S100Z: variants seen among roughly 807,000 people sequenced by gnomAD.
S100Z encodes S100 calcium binding protein Z.
In S100Z, 11 loss-of-function variants were observed where a neutral mutation model predicts 8.5. The ratio of observed to expected loss-of-function variants is 1.30; its 90% CI spans 0.82 to 2.15. S100Z has a LOEUF of 2.15. S100Z is among the 30% of genes most tolerant of loss of function. The probability of loss-of-function intolerance (pLI) is 0.00; values close to 1 mark genes in which losing one functional copy is unlikely to be tolerated. For synonymous variants in S100Z, 34 were observed against 43.8 expected (o/e 0.78, Z 0.89); for missense variants, 126 against 117.9 (o/e 1.07, Z -0.32).
chr5:76,877,667 A>G lies in S100Z; in HGVS notation c.142-7A>G, dbSNP rs1561231804. The G allele has an allele frequency of 6.3e-7, 1 of 1,583,638 alleles. No homozygotes were observed. The highest frequency in any genetic ancestry group is 2.2e-5 in the East Asian group (1 of 44,486). On this transcript the variant is annotated splice_polypyrimidine_tract_variant and splice_region_variant and intron_variant, in intron 3 of 4. Transcript: ENST00000317593. ...CAGGGAGTTAGAAATTTCCTTTCTC[A>G]TTTTAGTGCCAAAAGGAAACCCAGT...
chr5:76,906,185 G>T (rs1037653586), intron 4 of S100Z, among the ~76,000 whole-genome samples: 1 of 152,170 alleles, frequency 6.6e-6, no homozygotes, highest in Admixed American at 6.5e-5. Context: ...TGACAAAATT[G>T]TACATATATA....
chr5:76,933,731 T>C, the S100Z span, among the ~76,000 whole-genome samples: 1 of 152,218 alleles, frequency 6.6e-6, no homozygotes, highest in Non-Finnish European at 1.5e-5. Flanking sequence ...CATTTGATTG[T>C]GGTGAGATAT....
chr5:76,877,978 T>A (rs1292522574), intron 4 of S100Z, 144 bp downstream of exon 4: 13 of 482,420 alleles, frequency 2.7e-5, no homozygotes, highest in Non-Finnish European at 4.7e-5. Flanking sequence ...ATTGCTACTA[T>A]TGAATTATGT....
At chr5:76,850,727 CAGA>C (rs1035157511) in intron 1 of S100Z, among the ~76,000 whole-genome samples, 2 of 152,132 alleles carry the variant, frequency 1.3e-5, no homozygotes, top group African/African-American at 2.4e-5. Flanking sequence ...TCTCAGCCTA[CAGA>C]AGAAGAGAGG....
chr5:76,850,353 A>AGAGAGAGAGG, intron 1 of S100Z, among the ~76,000 whole-genome samples, 198 bp downstream of exon 1: 1 of 132,156 alleles, frequency 7.6e-6, no homozygotes, highest in African/African-American at 3.0e-5. Context: ...AGAGAGAGAG[A>AGAGAGAGAGG]GAGAGGGAGA....
At chr5:76,891,160 G>T (rs1305936002) in intron 4 of S100Z, among the ~76,000 whole-genome samples, 1 of 152,198 alleles carries the variant, frequency 6.6e-6, no homozygotes, top group African/African-American at 2.4e-5. Context: ...ACCATGCCCG[G>T]CCCCCAGTTT....
At chr5:76,888,182 A>G (rs889665245) in intron 4 of S100Z, among the ~76,000 whole-genome samples, 3 of 151,072 alleles carry the variant, frequency 2.0e-5, no homozygotes, top group Admixed American at 6.6e-5. Context: ...GCTGGAACCC[A>G]GGAGGCAGAG....
chr5:76,896,968 G>T (rs1195769184), intron 4 of S100Z, among the ~76,000 whole-genome samples: 1 of 152,060 alleles, frequency 6.6e-6, no homozygotes, highest in Non-Finnish European at 1.5e-5. Context: ...TGCACTGTAG[G>T]TGTGGGGATT....
At chr5:76,879,673 A>G (rs1467535468) in intron 4 of S100Z, among the ~76,000 whole-genome samples, 1 of 152,190 alleles carries the variant, frequency 6.6e-6, no homozygotes, top group Non-Finnish European at 1.5e-5. Flanking sequence ...CCGGATGAGA[A>G]TGTGGATAGA....
intron 4 of S100Z, among the ~76,000 whole-genome samples, chr5:76,891,936 G>A (rs1461213595): frequency 6.6e-6 from 1 of 152,070 alleles, no homozygotes; most frequent in East Asian, 1.9e-4. Flanking sequence ...AAATACAGTG[G>A]CTCACCTGCA....
At chr5:76,943,549 G>A in the S100Z span, among the ~76,000 whole-genome samples, 2 of 152,164 alleles carry the variant, frequency 1.3e-5, no homozygotes, top group African/African-American at 4.8e-5. Flanking sequence ...TCCTGTTCCT[G>A]TCTGTGCCCT....
intron 1 of S100Z, among the ~76,000 whole-genome samples, chr5:76,858,136 G>A (rs1750936596): frequency 6.6e-6 from 1 of 152,206 alleles, no homozygotes; most frequent in Non-Finnish European, 1.5e-5. Context: ...GTGTGTGAGA[G>A]TGCAAGGGAT....
intron 4 of S100Z, among the ~76,000 whole-genome samples, chr5:76,915,418 A>G (rs1167232527): frequency 6.6e-6 from 1 of 151,880 alleles, no homozygotes; most frequent in Non-Finnish European, 1.5e-5. Flanking sequence ...CCTGGCCAAC[A>G]TGGTGAAACC....
intron 4 of S100Z, 137 bp downstream of exon 4, chr5:76,877,971 G>T: frequency 6.3e-6 from 3 of 475,124 alleles, no homozygotes; most frequent in Non-Finnish European, 1.1e-5. Context: ...ATAATTAATT[G>T]CTACTATTGA....
intron 1 of S100Z, among the ~76,000 whole-genome samples, chr5:76,864,386 A>AT (rs56206322): frequency 0.02 from 1,437 of 72,172 alleles, 245 homozygotes; most frequent in Non-Finnish European, 0.027. Flanking sequence ...TGCATACTAT[A>AT]TTTTTTTTTT....
At chr5:76,945,753 A>T in the S100Z span, among the ~76,000 whole-genome samples, 1 of 152,192 alleles carries the variant, frequency 6.6e-6, no homozygotes, top group Non-Finnish European at 1.5e-5. Context: ...TTGCTGAGAC[A>T]GTGAAAATAG....
downstream of S100Z, among the ~76,000 whole-genome samples, chr5:76,921,971 A>G (rs1054048811): frequency 6.6e-6 from 1 of 150,812 alleles, no homozygotes; most frequent in Non-Finnish European, 1.5e-5. Flanking sequence ...CCTGGGCAAC[A>G]GAGTGAGAGA....
intron 1 of S100Z, among the ~76,000 whole-genome samples, chr5:76,851,318 G>A (rs1173617168): frequency 6.6e-6 from 1 of 152,226 alleles, no homozygotes; most frequent in Non-Finnish European, 1.5e-5. Flanking sequence ...AGGAGGTTAA[G>A]TGAGGAGCTC....
intron 4 of S100Z, among the ~76,000 whole-genome samples, chr5:76,887,395 C>CTT (rs70982657): frequency 0.14 from 10,662 of 74,648 alleles, 1,760 homozygotes; most frequent in Non-Finnish European, 0.2. Context: ...CTGTGCCAGG[C>CTT]TTTTTTTTTT....
Sources: gnomAD v4.1 joint callset for allele counts (sites outside exome capture counted in the v4.1 genomes callset) on GRCh38, gnomAD v4.1.1 for gene constraint, MANE v1.5 for transcripts, NCBI Gene and HGNC (gene_info 2026-07-23, HGNC 2026-07-21) for gene names.